Variants in DAB2IP observed in about 807,000 individuals in gnomAD.
DAB2IP encodes DAB2 interacting protein.
A neutral mutation model predicts 107.2 loss-of-function variants in DAB2IP; 28 were observed. The observed-to-expected ratio is 0.26, with a 90% CI of 0.19 to 0.36. The LOEUF (loss-of-function observed/expected upper bound fraction) is 0.36, where lower values mean the gene tolerates loss of function less well. Among genes scored for constraint, DAB2IP ranks in the 10% least tolerant of loss-of-function variants. The pLI is 1.00. For synonymous variants in DAB2IP, 755 were observed against 706.4 expected (o/e 1.07, Z -1.09); for missense variants, 1,400 against 1,644.7 (o/e 0.85, Z 2.57).
intron 3 of DAB2IP, among the ~76,000 whole-genome samples, chr9:121,743,909 A>C (rs905969039): frequency 1.3e-5 from 2 of 152,218 alleles, no homozygotes; most frequent in African/African-American, 2.4e-5. Context: ...CCGGCCCAGA[A>C]TGTAGAAACG....
intron 1 of DAB2IP, among the ~76,000 whole-genome samples, chr9:121,613,818 T>C (rs1408340752): frequency 6.6e-6 from 1 of 152,244 alleles, no homozygotes; most frequent in Non-Finnish European, 1.5e-5. Context: ...AAATGACCTA[T>C]GCACTTGTTG....
rs1300467540 is a variant in DAB2IP, at chr9:121,744,571, A to G, written c.363-12442A>G. Among the ~76,000 whole-genome samples, 3 of 152,346 alleles carry G rather than the reference A, an allele frequency of 2.0e-5. No homozygotes were observed. The East Asian group carries it at 5.8e-4, about 29-fold the overall frequency. Reference sequence around the variant, plus strand: ...CCAGGAGGTGACAAAGGCAGGGCTCAGTACATTTCTGGTGACCCAGGCTTC... The same window carrying G: ...CCAGGAGGTGACAAAGGCAGGGCTCGGTACATTTCTGGTGACCCAGGCTTC... On this transcript the variant is annotated intron_variant, in intron 3 of 15. Coordinates refer to ENST00000408936, the Ensembl canonical transcript of DAB2IP.
chr9:121,656,228 G>A (rs546280384), intron 1 of DAB2IP, among the ~76,000 whole-genome samples: 4 of 152,010 alleles, frequency 2.6e-5, no homozygotes, highest in Admixed American at 6.5e-5. Flanking sequence ...GGCTGGTCTC[G>A]AACTCCCAGC....
At chr9:121,645,454 C>T (rs1055142911) in intron 1 of DAB2IP, among the ~76,000 whole-genome samples, 3 of 152,154 alleles carry the variant, frequency 2.0e-5, no homozygotes, top group Admixed American at 6.5e-5. Flanking sequence ...TCCAGGCTCT[C>T]GACGGAGAGA....
At chr9:121,753,308 G>A (rs987129972) in intron 3 of DAB2IP, among the ~76,000 whole-genome samples, 5 of 152,194 alleles carry the variant, frequency 3.3e-5, no homozygotes, top group Non-Finnish European at 5.9e-5. Flanking sequence ...GTGCCACCTC[G>A]CCTAGGGGAC....
chr9:121,572,265 T>A (rs1216785039), intron 1 of DAB2IP, among the ~76,000 whole-genome samples: 1 of 152,160 alleles, frequency 6.6e-6, no homozygotes, highest in Admixed American at 6.5e-5. Flanking sequence ...TTTCATTGTC[T>A]GCTCACCAGC....
At position 121,715,348 on chromosome 9, in the gene DAB2IP, TTTC is replaced by T. The variant is rs1229872151; in HGVS notation, c.362+15893_362+15895del. Among the ~76,000 whole-genome samples, 4 of 143,950 alleles carry T rather than the reference TTTC, an allele frequency of 2.8e-5. 1 individual carries two copies. Among genetic ancestry groups the T allele is most frequent in the African/African-American group, 1.2e-4 (4 of 34,588 alleles). 94.4% of individuals were successfully genotyped at this position (143,950 alleles called of 152,430 possible). On this transcript the variant is annotated intron_variant, in intron 3 of 15. Coordinates refer to ENST00000408936, the Ensembl canonical transcript of DAB2IP. ...GTAGTTTTCTTTTTCTTTTTCTTTC[TTTC>T]TTTTTTTTTTTTTTGAGACAGAGTC...
At position 121,782,734 on chromosome 9, in the gene DAB2IP, C is replaced by T. The variant is rs765090316; in HGVS notation, c.*236C>T. 15 of 1,378,118 alleles carry T rather than the reference C, an allele frequency of 1.1e-5. No homozygotes were observed. Among genetic ancestry groups the T allele is most frequent in the East Asian group, 5.4e-5 (2 of 36,950 alleles). The allele number at this position is 1,378,118 out of a possible 1,614,324, so 85.4% of individuals were successfully genotyped here. A position where few individuals can be genotyped will look rare whatever the true frequency, so the allele number is the denominator to read the frequency against. On this transcript the variant is annotated 3_prime_UTR_variant, in exon 16 of 16. Transcript: ENST00000408936. The surrounding 1 kb of genome is among the most constrained non-coding windows in gnomAD (Gnocchi z 6.1). ...TGGGGTGCGGGCAGAAGAGACTGCA[C>T]GCTGGGGAGTGGGGACAGCCTGATG... is the stretch of plus-strand genomic sequence containing the variant.
At chr9:121,704,250 C>T (rs977529024) in intron 3 of DAB2IP, among the ~76,000 whole-genome samples, 4 of 152,080 alleles carry the variant, frequency 2.6e-5, no homozygotes, top group Admixed American at 6.6e-5. Flanking sequence ...AAATGTCACC[C>T]ACCAAAATCC....
intron 1 of DAB2IP, among the ~76,000 whole-genome samples, chr9:121,668,444 A>G (rs1833539093): frequency 6.6e-6 from 1 of 151,996 alleles, no homozygotes; most frequent in South Asian, 2.1e-4. Context: ...TCGCTGTGTT[A>G]CCCAGGCTGG....
chr9:121,723,422 G>T (rs1831052442), intron 3 of DAB2IP, among the ~76,000 whole-genome samples: 1 of 152,220 alleles, frequency 6.6e-6, no homozygotes, highest in Non-Finnish European at 1.5e-5. Flanking sequence ...AGGTGGGAGA[G>T]GTGCCTGCCA....
rs1209253517 is a variant in DAB2IP at position 121,651,808 on chromosome 9, C to A, written c.33C>A (p.Thr11=). The change falls in exon 1 of 16, where the codon ACC becomes ACA. Residue 11 remains threonine, a synonymous_variant. Transcript: ENST00000408936. This position sits in a 1 kb window ranked among gnomAD's most constrained non-coding sequence, Gnocchi z 5.1. ...CGGGCGGCAGCGCCAGGAAGAGCAC[C>A]GGGAGGTCCTCCTACTACTACCGGC... 6.2e-6 allele frequency: 9 copies of A among 1,461,162 alleles called. No individual in the cohort carries two copies. In the East Asian group the frequency reaches 1.4e-4, roughly 23 times the overall value. The allele number at this position is 1,461,162 out of a possible 1,614,324, so 90.5% of individuals were successfully genotyped here.
chr9:121,568,763 G>A (rs565135541), intron 1 of DAB2IP, among the ~76,000 whole-genome samples: 20 of 152,326 alleles, frequency 1.3e-4, no homozygotes, highest in African/African-American at 4.8e-4. Context: ...AGAGGCAGGC[G>A]AGGGGGTGGG....
At chr9:121,648,239 T>C (rs1257335807), upstream of DAB2IP, among the ~76,000 whole-genome samples, 2 of 152,100 alleles carry the variant, frequency 1.3e-5, no homozygotes, top group Non-Finnish European at 2.9e-5. Context: ...ATGCCAACTG[T>C]TCCCCAAAAA....
At chr9:121,592,236 C>T (rs568363122) in intron 1 of DAB2IP, among the ~76,000 whole-genome samples, 4 of 152,132 alleles carry the variant, frequency 2.6e-5, no homozygotes, top group African/African-American at 9.6e-5. Flanking sequence ...CATGGTGGTA[C>T]GCACCTGTAA....
At chr9:121,762,420 G>A (rs1833963396) in intron 6 of DAB2IP, among the ~76,000 whole-genome samples, 1 of 152,164 alleles carries the variant, frequency 6.6e-6, no homozygotes, top group African/African-American at 2.4e-5. Context: ...CAGAGAATGA[G>A]ACCCTGGAGG....
intron 1 of DAB2IP, among the ~76,000 whole-genome samples, chr9:121,667,579 C>T (rs1049623511): frequency 2.0e-5 from 3 of 152,146 alleles, no homozygotes; most frequent in Non-Finnish European, 2.9e-5. Context: ...CAACCTCTGC[C>T]TGCCAGGTTC....
At chr9:121,766,555 G>A (rs778477606) in exon 9 of DAB2IP, 21 of 1,613,184 alleles carry the variant, frequency 1.3e-5, no homozygotes, top group Admixed American at 3.3e-5. Context: ...CAGCAGTCGC[G>A]GCCGCCCGGA....
At chr9:121,587,603 T>C (rs1029948926) in intron 1 of DAB2IP, among the ~76,000 whole-genome samples, 5 of 147,132 alleles carry the variant, frequency 3.4e-5, no homozygotes, top group Non-Finnish European at 6.0e-5. Context: ...AGTGAGATCC[T>C]GTCTCGAAAA....
Sources: gnomAD v4.1 joint callset for allele counts (sites outside exome capture counted in the v4.1 genomes callset) on GRCh38, gnomAD v4.1.1 for gene constraint, Gnocchi (gnomAD v3.1) non-coding constraint, MANE v1.5 for transcripts, NCBI Gene and HGNC (gene_info 2026-07-23, HGNC 2026-07-21) for gene names.